Variants in EDRF1 observed in about 807,000 individuals in gnomAD.
EDRF1 encodes the protein erythroid differentiation-related factor 1.
EDRF1 carries 69 observed loss-of-function variants against 148.7 expected under a neutral mutation model. That is an observed-to-expected ratio of 0.46 (90% CI 0.38 to 0.57). EDRF1 has a LOEUF of 0.57. EDRF1 is among the 20% of genes least tolerant of loss of function. The pLI is 0.00. For missense variants in EDRF1, 1,118 were observed against 1,478.7 expected, an observed-to-expected ratio of 0.76 and a Z score of 4.00; for synonymous variants, 515 against 532.8, an observed-to-expected ratio of 0.97 and a Z score of 0.46.
intron 4 of EDRF1, among the ~76,000 whole-genome samples, chr10:125,724,404 A>ATACTGTATTTT (rs1848155275): frequency 6.6e-6 from 1 of 152,224 alleles, no homozygotes; most frequent in African/African-American, 2.4e-5. Context: ...AGATTATAAT[A>ATACTGTATTTT]TACTGTATTT....
chr10:125,736,853 A>G (rs1437549425), intron 13 of EDRF1, among the ~76,000 whole-genome samples: 1 of 151,562 alleles, frequency 6.6e-6, no homozygotes, highest in African/African-American at 2.4e-5. Context: ...CTTCAGGGAG[A>G]TGTTCCCTGA....
chr10:125,752,650 T>G (rs1304266652), intron 22 of EDRF1, 149 bp from the exon 23 acceptor site: 1 of 616,992 alleles, frequency 1.6e-6, no homozygotes, highest in Non-Finnish European at 2.9e-6. Context: ...GGGAATATTA[T>G]TAAATAGAAG....
chr10:125,742,924 A>G, intron 17 of EDRF1, 134 bp from the exon 18 acceptor site: 1 of 1,395,334 alleles, frequency 7.2e-7, no homozygotes, highest in Non-Finnish European at 9.6e-7. Context: ...ATATTGTTGT[A>G]TTGATTGAAT....
At chr10:125,743,818 G>T (rs1390628063) in intron 18 of EDRF1, among the ~76,000 whole-genome samples, 2 of 152,164 alleles carry the variant, frequency 1.3e-5, no homozygotes, top group African/African-American at 2.4e-5. Context: ...AGAAGCCAGG[G>T]ATCTCAAAGG....
chr10:125,725,409 A>T lies in EDRF1; in HGVS notation c.602A>T (p.Gln201Leu), dbSNP rs776970334. 1 of 1,614,090 alleles carries T rather than the reference A, an allele frequency of 6.2e-7. No homozygotes were observed. Among genetic ancestry groups the T allele is most frequent in the Non-Finnish European group, 8.5e-7 (1 of 1,179,980 alleles). Residue 201 changes from glutamine to leucine, a missense_variant, in exon 5 of 25, where the codon CAA becomes CTA. Gln to Leu is a moderately radical substitution (Grantham distance 113, BLOSUM62 -2). This residue lies in a region of EDRF1 where 954 missense variants were observed against 1,241.4 expected (regional missense o/e 0.77). Transcript: ENST00000356792. Reference sequence around the variant, plus strand: ...AAAAAGAGCAAAGAGCACTGGTATCAAAAGGCAATTCTTTCCAAGTTTTTA... The same window carrying T: ...AAAAAGAGCAAAGAGCACTGGTATCTAAAGGCAATTCTTTCCAAGTTTTTA... ...RKKKSKEHWY[Q>L]KAILSKFLYY...
Position 125,763,485 on chromosome 10 carries a change from G to T in EDRF1, c.*13G>T. On this transcript the variant is annotated 3_prime_UTR_variant, in exon 25 of 25. Coordinates refer to ENST00000356792, the MANE Select transcript of EDRF1 (RefSeq NM_001202438.2). This position sits in a 1 kb window ranked among gnomAD's most constrained non-coding sequence, Gnocchi z 4.3. Reference sequence around the variant, plus strand: ...TGCCGTTCAGTGACTGCACAGAGCCGTGTCCCAGACACGCTGTCAGTGCCT... The same window carrying T: ...TGCCGTTCAGTGACTGCACAGAGCCTTGTCCCAGACACGCTGTCAGTGCCT... The T allele has an allele frequency of 1.2e-6, 2 of 1,603,828 alleles. No homozygotes were observed. Among genetic ancestry groups the T allele is most frequent in the South Asian group, 2.2e-5 (2 of 91,024 alleles).
At chr10:125,731,747 T>G in intron 9 of EDRF1, 1 of 313,734 alleles carries the variant, frequency 3.2e-6, no homozygotes, top group Non-Finnish European at 6.9e-6. Context: ...TACTTTCCAC[T>G]AGAGAGGAAC....
At chr10:125,726,095 G>A (rs557418664) in intron 6 of EDRF1, among the ~76,000 whole-genome samples, 20 of 152,122 alleles carry the variant, frequency 1.3e-4, no homozygotes, top group African/African-American at 4.1e-4. Flanking sequence ...TGACTGATAT[G>A]TTTATTAATA....
intron 2 of EDRF1, 69 bp from the exon 3 acceptor site, chr10:125,722,999 G>A: frequency 1.6e-6 from 2 of 1,220,744 alleles, no homozygotes; most frequent in East Asian, 4.7e-5. Context: ...CTACAGTATT[G>A]TTATTAAGCT....
chr10:125,729,445 G>A lies in EDRF1; in HGVS notation c.982G>A (p.Gly328Arg). The A allele has an allele frequency of 6.2e-7, 1 of 1,614,142 alleles. No individual in the cohort carries two copies. The highest frequency in any genetic ancestry group is 1.1e-5 in the South Asian group (1 of 91,076). ...CGGCTCCAACATGCCCATATTTGGA[G>A]GAGGCAGATACCCAGCAGTCAGCTT... ...LVGSNMPIFG[G>R]GRYPAVSLRL... Residue 328 changes from glycine to arginine, a missense_variant, in exon 8 of 25, where the codon GGA (glycine) becomes AGA (arginine). Physicochemically the swap from Gly to Arg is moderately radical, Grantham distance 125. Transcript: ENST00000356792.
intron 21 of EDRF1, chr10:125,748,870 G>C (rs1263671346): frequency 2.2e-5 from 4 of 183,334 alleles, no homozygotes; most frequent in South Asian, 2.3e-4. Context: ...CTCCTCTGCT[G>C]CATTGTCTTG....
chr10:125,749,998 A>G (rs1564750024), intron 22 of EDRF1, among the ~76,000 whole-genome samples: 1 of 151,982 alleles, frequency 6.6e-6, no homozygotes, highest in Admixed American at 6.6e-5. Context: ...AAAATTGGCC[A>G]TGTGTGGTGG....
At chr10:125,733,783 TA>T in intron 11 of EDRF1, 40 bp downstream of exon 11, 1 of 1,550,380 alleles carries the variant, frequency 6.5e-7, no homozygotes, top group Non-Finnish European at 8.9e-7. Flanking sequence ...AGTAGCCTAT[TA>T]TATAAAGTTT....
intron 2 of EDRF1, among the ~76,000 whole-genome samples, 162 bp downstream of exon 2, chr10:125,721,574 A>G (rs966753507): frequency 2.6e-5 from 4 of 152,236 alleles, no homozygotes; most frequent in Admixed American, 2.6e-4. Flanking sequence ...ATAATAGATG[A>G]TGTTAAAACA....
rs1281146161 is a variant in EDRF1 at position 125,763,785 on chromosome 10, C to T, written c.*313C>T. 2.5e-6 allele frequency: 1 copy of T among 398,838 alleles called. No homozygotes were observed. Among genetic ancestry groups the T allele is most frequent in the Non-Finnish European group, 4.7e-6 (1 of 214,016 alleles). The allele number at this position is 398,838 out of a possible 1,614,324, so 24.7% of individuals were successfully genotyped here. On this transcript the variant is annotated 3_prime_UTR_variant, in exon 25 of 25. Coordinates refer to ENST00000356792, the MANE Select transcript of EDRF1 (RefSeq NM_001202438.2). The surrounding 1 kb of genome is among the most constrained non-coding windows in gnomAD (Gnocchi z 4.3). ...TCACGTATTTTTGAAGTATGTCAAG[C>T]TACACGGGTCTAAGATATGATTATT...
chr10:125,732,099 T>A lies in EDRF1; in HGVS notation c.1129-1305T>A, dbSNP rs58267341. 3.2e-3 allele frequency among the ~76,000 whole-genome samples: 488 copies of A among 152,314 alleles called. 6 individuals carry two copies. Among genetic ancestry groups the A allele is most frequent in the African/African-American group, 0.011 (460 of 41,576 alleles). ...ATGCACTTGCTTGGGCCCCCAGTGT[T>A]CTAGTATCAGTAGGATGTGTACTTC... On this transcript the variant is annotated intron_variant, in intron 9 of 24. Transcript: ENST00000356792.
Position 125,752,872 on chromosome 10 carries a change from A to AT in EDRF1, c.3353dup (p.Gln1119ProfsTer15). The AT allele has an allele frequency of 6.2e-7, 1 of 1,614,106 alleles. No individual in the cohort carries two copies. The highest frequency in any genetic ancestry group is 8.5e-7 in the Non-Finnish European group (1 of 1,180,012). Reference sequence around the variant, plus strand: ...ATATAATGGTGAGAACTGAGCACGCATTCCAGCTTATCCAGAAGGAGCTTA... The same window carrying AT: ...ATATAATGGTGAGAACTGAGCACGCATTTCCAGCTTATCCAGAAGGAGCTTA... On this transcript the variant is annotated frameshift_variant, in exon 23 of 25. Transcript: ENST00000356792. LOFTEE classifies it high-confidence loss of function.
At position 125,723,963 on chromosome 10, in the gene EDRF1, A is replaced by G. The variant is rs761268513; in HGVS notation, c.510+27A>G. The G allele has an allele frequency of 9.9e-6, 16 of 1,611,732 alleles. No individual in the cohort carries two copies. In the Admixed American group the frequency reaches 1.5e-4, roughly 15 times the overall value. Reference sequence around the variant, plus strand: ...TAATGCTTTTGTGAAAAAATCCAACAAAACATTAACAGCTTAAGAGCACTA... The same window carrying G: ...TAATGCTTTTGTGAAAAAATCCAACGAAACATTAACAGCTTAAGAGCACTA... On this transcript the variant is annotated intron_variant, in intron 4 of 24. Coordinates refer to ENST00000356792, the MANE Select transcript of EDRF1 (RefSeq NM_001202438.2).
At chr10:125,720,473 T>C (rs1319267539) in intron 1 of EDRF1, among the ~76,000 whole-genome samples, 4 of 152,186 alleles carry the variant, frequency 2.6e-5, no homozygotes, top group Non-Finnish European at 5.9e-5. Context: ...AAAGCCCAAA[T>C]GTTCTACCAG....
Sources: gnomAD v4.1 joint callset for allele counts (sites outside exome capture counted in the v4.1 genomes callset) on GRCh38, gnomAD v4.1.1 for gene constraint, gnomAD v4.1.1 regional missense constraint, Gnocchi (gnomAD v3.1) non-coding constraint, MANE v1.5 for transcripts, NCBI Gene and HGNC (gene_info 2026-07-23, HGNC 2026-07-21) for gene names.